Variants in NRXN3 observed in about 807,000 individuals in gnomAD.
NRXN3 encodes neurexin III.
In NRXN3, 32 loss-of-function variants were observed where a neutral mutation model predicts 137.6. The observed-to-expected ratio is 0.23, with a 90% CI of 0.18 to 0.31. The LOEUF (loss-of-function observed/expected upper bound fraction) is 0.31. Among genes scored for constraint, NRXN3 ranks in the 10% least tolerant of loss-of-function variants. The probability of loss-of-function intolerance (pLI) is 1.00; values close to 1 mark genes in which losing one functional copy is unlikely to be tolerated. For synonymous variants in NRXN3, 798 were observed against 784.5 expected (o/e 1.02, Z -0.29); for missense variants, 1,574 against 2,062.5 (o/e 0.76, Z 4.59).
At chr14:78,220,025 T>C (rs1200516806) in intron 1 of NRXN3, among the ~76,000 whole-genome samples, 1 of 151,848 alleles carries the variant, frequency 6.6e-6, no homozygotes, top group African/African-American at 2.4e-5. Flanking sequence ...AGAAAATTGA[T>C]TGGATGTGAC....
chr14:79,254,865 CCTTCCTCCCTCCAACT>C (rs1276270479), intron 15 of NRXN3, among the ~76,000 whole-genome samples: 10 of 150,584 alleles, frequency 6.6e-5, no homozygotes, highest in Non-Finnish European at 1.5e-4. Context: ...TCCCTTTCTC[CCTTCCTCCCTCCAACT>C]CTTCCTCCCT....
intron 19 of NRXN3, among the ~76,000 whole-genome samples, chr14:79,719,685 G>C (rs2098837481): frequency 6.6e-6 from 1 of 152,050 alleles, no homozygotes; most frequent in Admixed American, 6.6e-5. Context: ...AGGTCCCGCA[G>C]ATTCCCACCT....
At position 78,968,335 on chromosome 14, in the gene NRXN3, G is replaced by A. The variant is rs137943866; in HGVS notation, c.3131G>A (p.Arg1044His). The A allele has an allele frequency of 5.0e-4, 814 of 1,613,332 alleles. No homozygotes were observed. Among genetic ancestry groups the A allele is most frequent in the South Asian group, 7.5e-4 (68 of 91,008 alleles). ...CTTCATCGGAGCGGACAGATCGAGC[G>A]TGGCTGTGAAGGTACAACCTATTTT... ...DALHRSGQIE[R>H]GCEGPSTTCQ... The change falls in exon 14 of 21, where the codon CGT becomes CAT. Residue 1044 changes from arginine (R) to histidine (H), a missense_variant. Around this residue, in one of 5 missense-constraint regions of NRXN3, gnomAD observed 718 missense variants for 887.6 expected, o/e 0.81. Transcript: ENST00000335750.
intron 8 of NRXN3, among the ~76,000 whole-genome samples, chr14:78,758,759 G>T (rs931094895): frequency 1.3e-5 from 2 of 152,112 alleles, no homozygotes; most frequent in Non-Finnish European, 2.9e-5. Context: ...GGTTTACTTT[G>T]TCATTCTGTC....
intron 5 of NRXN3, among the ~76,000 whole-genome samples, chr14:78,649,754 T>C (rs2097722531): frequency 6.6e-6 from 1 of 151,992 alleles, no homozygotes; most frequent in Admixed American, 6.6e-5. Flanking sequence ...TAGTCCCTTT[T>C]CTCTTTCCCT....
intron 4 of NRXN3, among the ~76,000 whole-genome samples, chr14:78,345,014 T>C (rs2082552679): frequency 6.6e-6 from 1 of 152,046 alleles, no homozygotes; most frequent in Non-Finnish European, 1.5e-5. Flanking sequence ...TGTAGAGAAT[T>C]GTGTTGGGAG....
At chr14:79,458,382 T>C (rs2096283648) in intron 15 of NRXN3, among the ~76,000 whole-genome samples, 1 of 152,162 alleles carries the variant, frequency 6.6e-6, no homozygotes, top group African/African-American at 2.4e-5. Context: ...TTATAAAATA[T>C]TTCCACGTTG....
At chr14:78,529,870 A>G (rs2096435344) in intron 4 of NRXN3, among the ~76,000 whole-genome samples, 1 of 152,346 alleles carries the variant, frequency 6.6e-6, no homozygotes, top group East Asian at 1.9e-4. Flanking sequence ...AATAACATAC[A>G]TGTAGAATGT....
intron 1 of NRXN3, among the ~76,000 whole-genome samples, chr14:78,175,167 T>C (rs533812163): frequency 1.1e-4 from 16 of 150,900 alleles, no homozygotes; most frequent in African/African-American, 3.9e-4. Context: ...ATAAGTGAAA[T>C]TGGAAAACAT....
chr14:78,425,987 C>T (rs918545127), intron 4 of NRXN3, among the ~76,000 whole-genome samples: 2 of 152,174 alleles, frequency 1.3e-5, no homozygotes, highest in African/African-American at 4.8e-5. Context: ...ACTTCCTGTG[C>T]AGTTCCAGGA....
intron 15 of NRXN3, among the ~76,000 whole-genome samples, chr14:79,113,895 G>A (rs529657712): frequency 3.0e-4 from 46 of 152,274 alleles, no homozygotes; most frequent in African/African-American, 1.1e-3. Flanking sequence ...TGTAGACTGA[G>A]GATTTGCATT....
chr14:78,227,458 A>C (rs555491957), intron 1 of NRXN3, among the ~76,000 whole-genome samples: 1 of 152,292 alleles, frequency 6.6e-6, no homozygotes, highest in African/African-American at 2.4e-5. Context: ...TGCTGTATGC[A>C]GTCAGTACTT....
chr14:79,712,869 C>T (rs2098809522), intron 19 of NRXN3, among the ~76,000 whole-genome samples: 1 of 152,184 alleles, frequency 6.6e-6, no homozygotes, highest in African/African-American at 2.4e-5. Context: ...GGCCCTGCTC[C>T]TGTATTAAAT....
In NRXN3 at chr14:79,275,735, G is replaced by C. The variant is rs190834204; in HGVS notation, c.3263-191486G>C. On this transcript the variant is annotated intron_variant, in intron 15 of 20. Transcript: ENST00000335750. ...CATTCTCTTGCAGGGTGAGGATGGG[G>C]GGGGGGACATTTAAAAAGCAAGAGG... 2.8e-3 allele frequency among the ~76,000 whole-genome samples: 423 copies of C among 151,720 alleles called. 3 individuals carry two copies. The highest frequency in any genetic ancestry group is 9.9e-3 in the African/African-American group (406 of 41,178).
intron 14 of NRXN3, among the ~76,000 whole-genome samples, chr14:78,980,835 T>C (rs2099487445): frequency 6.6e-6 from 1 of 152,214 alleles, no homozygotes; most frequent in African/African-American, 2.4e-5. Flanking sequence ...TGTTGTCTTG[T>C]CACTTTCTGT....
rs2099417999 is a variant in NRXN3, at chr14:79,866,145, T to C, written c.*4181T>C. Reference sequence around the variant, plus strand: ...AATCTATACAGGTCCAGTCTCTCTTTGCTCATATTCAAATTGAAGTTTGAT... The same window carrying C: ...AATCTATACAGGTCCAGTCTCTCTTCGCTCATATTCAAATTGAAGTTTGAT... On this transcript the variant is annotated 3_prime_UTR_variant, in exon 21 of 21. Coordinates refer to ENST00000335750, the MANE Select transcript of NRXN3 (RefSeq NM_001330195.2). 1 of 152,252 alleles carries C rather than the reference T, an allele frequency of 6.6e-6. No individual in the cohort carries two copies. Among genetic ancestry groups the C allele is most frequent in the Non-Finnish European group, 1.5e-5 (1 of 68,050 alleles). 9.4% of individuals were successfully genotyped at this position (152,252 alleles called of 1,614,324 possible).
At chr14:78,577,031 G>C (rs1300997746) in intron 4 of NRXN3, among the ~76,000 whole-genome samples, 1 of 152,040 alleles carries the variant, frequency 6.6e-6, no homozygotes, top group Non-Finnish European at 1.5e-5. Context: ...TTTCTTTGTG[G>C]TAATTCTTTA....
At position 79,748,905 on chromosome 14, in the gene NRXN3, A is replaced by G. The variant is rs1282315887; in HGVS notation, c.4014+50968A>G. Among the ~76,000 whole-genome samples the G allele has an allele frequency of 2.0e-5, 3 of 151,966 alleles. No homozygotes were observed. In the East Asian group the frequency reaches 5.8e-4, roughly 29 times the overall value. On this transcript the variant is annotated intron_variant, in intron 19 of 20. Transcript: ENST00000335750. ...TTTGCAAACATTGTGATTGTGGCAG[A>G]TTAAAAAAAAAAAGTCAAGCAGGCT...
chr14:78,567,119 G>T (rs2096843418), intron 4 of NRXN3, among the ~76,000 whole-genome samples: 1 of 152,156 alleles, frequency 6.6e-6, no homozygotes, highest in African/African-American at 2.4e-5. Flanking sequence ...CTCAAGGGAA[G>T]GTGACCAAAA....
Sources: gnomAD v4.1 joint callset for allele counts (sites outside exome capture counted in the v4.1 genomes callset) on GRCh38, gnomAD v4.1.1 for gene constraint, gnomAD v4.1.1 regional missense constraint, MANE v1.5 for transcripts, NCBI Gene and HGNC (gene_info 2026-07-23, HGNC 2026-07-21) for gene names.